The following PIK3CD variants were observed in gnomAD, a reference collection of about 807,000 sequenced individuals.
PIK3CD encodes phosphatidylinositol 4,5-bisphosphate 3-kinase catalytic subunit delta isoform.
Under a neutral mutation model 122.9 loss-of-function variants are expected in PIK3CD, and 20 were observed. That is an observed-to-expected ratio of 0.16 (90% CI 0.11 to 0.24). The LOEUF is 0.24. PIK3CD is among the 10% of genes least tolerant of loss of function. The pLI is 1.00. For missense variants in PIK3CD, 787 were observed against 1,406.3 expected, an observed-to-expected ratio of 0.56 and a Z score of 7.04; for synonymous variants, 596 against 593.4, an observed-to-expected ratio of 1.00 and a Z score of -0.06.
intron 1 of PIK3CD, chr1:9,654,064 C>T: frequency 8.3e-7 from 1 of 1,210,040 alleles, no homozygotes; most frequent in Non-Finnish European, 1.1e-6. Context: ...GAGCAAGAGC[C>T]CATCTCTGAG....
At chr1:9,698,804 G>A (rs966696382) in intron 2 of PIK3CD, among the ~76,000 whole-genome samples, 3 of 152,156 alleles carry the variant, frequency 2.0e-5, no homozygotes, top group African/African-American at 7.2e-5. Context: ...CTGGTGGGCC[G>A]TGACCTAGGA....
In PIK3CD at chr1:9,715,898, C is replaced by A. The variant is rs998200055; in HGVS notation, c.420C>A (p.Arg140=). ...SLCDPEVNDF[R]AKMCQFCEEA... ...GCGACCCAGAAGTGAACGACTTTCGCGCCAAGATGTGCCAATTCTGCGAGG... is the reference window on the plus strand; with the variant it reads ...GCGACCCAGAAGTGAACGACTTTCGAGCCAAGATGTGCCAATTCTGCGAGG... The change falls in exon 5 of 24, where the codon CGC becomes CGA. Residue 140 remains arginine, a synonymous_variant. Coordinates refer to ENST00000377346, the MANE Select transcript of PIK3CD (RefSeq NM_005026.5). This position sits in a 1 kb window ranked among gnomAD's most constrained non-coding sequence, Gnocchi z 4.1. 6.2e-7 allele frequency: 1 copy of A among 1,612,612 alleles called. No homozygotes were observed. The highest frequency in any genetic ancestry group is 1.3e-5 in the African/African-American group (1 of 75,066).
chr1:9,689,276 C>T lies in PIK3CD; in HGVS notation c.-137-2191C>T, dbSNP rs1355045875. ...TCGGGGTCCCGCGGCTGCTCTGGGG[C>T]TCAGGGTGCGAACCCCAAGGGCCCC... On this transcript the variant is annotated intron_variant, in intron 1 of 23. Transcript: ENST00000377346. This position sits in a 1 kb window ranked among gnomAD's most constrained non-coding sequence, Gnocchi z 6.1. 6.6e-6 allele frequency among the ~76,000 whole-genome samples: 1 copy of T among 152,182 alleles called. No individual in the cohort carries two copies. Among genetic ancestry groups the T allele is most frequent in the African/African-American group, 2.4e-5 (1 of 41,454 alleles).
Position 9,704,443 on chromosome 1 carries a change from T to C in PIK3CD, c.-32-5981T>C, listed in dbSNP as rs546420014. 3.9e-5 allele frequency among the ~76,000 whole-genome samples: 6 copies of C among 152,306 alleles called. No homozygotes were observed. The highest frequency in any genetic ancestry group is 1.2e-4 in the African/African-American group (5 of 41,574). ...TTTCAAAGCCCATGGTCAAAGCCCA[T>C]TTCATGTCATAAGTGGATTCTCCAG... is the stretch of plus-strand genomic sequence containing the variant. On this transcript the variant is annotated intron_variant, in intron 2 of 23. Coordinates refer to ENST00000377346, the MANE Select transcript of PIK3CD (RefSeq NM_005026.5). This position sits in a 1 kb window ranked among gnomAD's most constrained non-coding sequence, Gnocchi z 5.0.
chr1:9,703,499 G>A (rs1015853222), intron 2 of PIK3CD, among the ~76,000 whole-genome samples: 11 of 151,978 alleles, frequency 7.2e-5, no homozygotes, highest in Admixed American at 2.0e-4. Flanking sequence ...CCTCCCATGC[G>A]CCCTTCTAGT....
At chr1:9,685,771 C>T (rs1645943997) in intron 1 of PIK3CD, among the ~76,000 whole-genome samples, 1 of 147,464 alleles carries the variant, frequency 6.8e-6, no homozygotes, top group Admixed American at 6.6e-5. Flanking sequence ...CAAACTCAAG[C>T]GATCCTCCTG....
Position 9,721,553 on chromosome 1 carries a change from C to A in PIK3CD, c.1921C>A (p.Arg641Ser). 2 of 1,613,670 alleles carry A rather than the reference C, an allele frequency of 1.2e-6. No homozygotes were observed. Among genetic ancestry groups the A allele is most frequent in the South Asian group, 1.1e-5 (1 of 91,076 alleles). The change falls in exon 15 of 24, where the codon CGC (arginine) becomes AGC (serine). Residue 641 changes from arginine (R) to serine (S), a missense_variant. By Grantham distance (110) the Arg-to-Ser change is moderately radical. Coordinates refer to ENST00000377346, the MANE Select transcript of PIK3CD (RefSeq NM_005026.5). ...CCTGCTGGACCGGGCCCTGGCCAAC[C>A]GCAAGATCGGCCACTTCCTTTTCTG... is the stretch of plus-strand genomic sequence containing the variant. The part of the protein sequence containing the change: ...KFLLDRALAN[R>S]KIGHFLFWHL...
chr1:9,692,464 T>G (rs6683391), intron 2 of PIK3CD, among the ~76,000 whole-genome samples: 1 of 152,154 alleles, frequency 6.6e-6, no homozygotes, highest in Non-Finnish European at 1.5e-5. Context: ...CCGTGGCTCA[T>G]GCCTGTAATC....
intron 23 of PIK3CD, 73 bp from the exon 24 acceptor site, chr1:9,726,836 C>T (rs772927056): frequency 7.2e-5 from 114 of 1,589,710 alleles, no homozygotes; most frequent in Non-Finnish European, 9.6e-5. Context: ...ACTCTGAAGT[C>T]CCCAGAGAGG....
Position 9,724,364 on chromosome 1 carries a change from A to G in PIK3CD, c.2807A>G (p.Tyr936Cys). ...GAGCGTGTCCCATTCATCCTCACCT[A>G]CGACTTTGTCCATGTGATTCAGCAG... ...NRERVPFILT[Y>C]DFVHVIQQGK... Residue 936 changes from tyrosine (Y) to cysteine (C), a missense_variant, in exon 22 of 24, where the codon TAC becomes TGC. Coordinates refer to ENST00000377346, the MANE Select transcript of PIK3CD (RefSeq NM_005026.5). This position sits in a 1 kb window ranked among gnomAD's most constrained non-coding sequence, Gnocchi z 7.3. 2.5e-6 allele frequency: 4 copies of G among 1,614,038 alleles called. No homozygotes were observed. The highest frequency in any genetic ancestry group is 3.4e-6 in the Non-Finnish European group (4 of 1,179,978).
In PIK3CD at chr1:9,724,590, C is replaced by T. The variant is rs1649203796; in HGVS notation, c.2864+169C>T. 6.6e-6 allele frequency among the ~76,000 whole-genome samples: 1 copy of T among 152,226 alleles called. No individual in the cohort carries two copies. Among genetic ancestry groups the T allele is most frequent in the African/African-American group, 2.4e-5 (1 of 41,470 alleles). ...CATGCCCCTGCTCCACCCTGCAGTG[C>T]CCCTTTTGGGCAATGTGGGCAGGTT... On this transcript the variant is annotated intron_variant, in intron 22 of 23. Coordinates refer to ENST00000377346, the MANE Select transcript of PIK3CD (RefSeq NM_005026.5). The surrounding 1 kb of genome is among the most constrained non-coding windows in gnomAD (Gnocchi z 7.3).
intron 1 of PIK3CD, among the ~76,000 whole-genome samples, chr1:9,676,161 A>G (rs1262252610): frequency 6.6e-6 from 1 of 151,866 alleles, no homozygotes; most frequent in Admixed American, 6.6e-5. Flanking sequence ...TGAACTCCTG[A>G]CCTCGTGATC....
At chr1:9,685,444 C>T (rs552098759) in intron 1 of PIK3CD, among the ~76,000 whole-genome samples, 16 of 152,004 alleles carry the variant, frequency 1.1e-4, no homozygotes, top group South Asian at 2.1e-4. Context: ...CTGAAACCTC[C>T]GCCTCCCAGG....
intron 1 of PIK3CD, among the ~76,000 whole-genome samples, chr1:9,655,451 C>T (rs1049872054): frequency 2.3e-5 from 3 of 131,410 alleles, no homozygotes; most frequent in Non-Finnish European, 4.9e-5. Flanking sequence ...CCCCCGCCCC[C>T]CCCCCTTTTT....
intron 1 of PIK3CD, among the ~76,000 whole-genome samples, chr1:9,688,626 A>T (rs947299536): frequency 2.0e-5 from 3 of 152,148 alleles, no homozygotes; most frequent in Non-Finnish European, 4.4e-5. Context: ...GGAGTTCGAG[A>T]CCAGCGTAGG....
chr1:9,627,789 C>A, the PIK3CD span, among the ~76,000 whole-genome samples: 2 of 152,166 alleles, frequency 1.3e-5, no homozygotes, highest in African/African-American at 4.8e-5. Context: ...GGGATGACTG[C>A]TGCCCAAAGG....
At chr1:9,670,903 G>A (rs1248436806) in intron 1 of PIK3CD, among the ~76,000 whole-genome samples, 1 of 151,142 alleles carries the variant, frequency 6.6e-6, no homozygotes, top group East Asian at 2.0e-4. Flanking sequence ...GACCACAGGC[G>A]CCCACCACCA....
intron 1 of PIK3CD, 35 bp downstream of exon 1, chr1:9,651,837 G>A (rs886742419): frequency 6.6e-6 from 1 of 152,148 alleles, no homozygotes. Flanking sequence ...CAGGGGAGGT[G>A]GGAAGAGGAC....
At chr1:9,651,282 C>G (rs1644666585), upstream of PIK3CD, among the ~76,000 whole-genome samples, 1 of 152,190 alleles carries the variant, frequency 6.6e-6, no homozygotes, top group Non-Finnish European at 1.5e-5. Flanking sequence ...ACGCTGGTCT[C>G]CCATAGTCAC....
Sources: allele counts gnomAD v4.1 joint callset (sites outside exome capture counted in the v4.1 genomes callset), GRCh38; gene constraint gnomAD v4.1.1; non-coding constraint Gnocchi (gnomAD v3.1); transcripts MANE v1.5; gene names NCBI Gene and HGNC (gene_info 2026-07-23, HGNC 2026-07-21).